Variants in ZNF71 observed in about 807,000 individuals in gnomAD.
ZNF71 encodes zinc finger protein 71.
ZNF71 carries 3 observed loss-of-function variants against 6.7 expected under a neutral mutation model. That is an observed-to-expected ratio of 0.45 (90% CI 0.20 to 1.16). ZNF71 has a LOEUF of 1.16. Among genes scored for constraint, ZNF71 ranks in the 50% most tolerant of loss-of-function variants. The pLI, the probability that ZNF71 is intolerant of heterozygous loss-of-function variation, is 0.25. For missense variants in ZNF71, 688 were observed against 728.6 expected (o/e 0.94, Z 0.64); for synonymous variants, 343 against 311.1 (o/e 1.10, Z -1.08).
chr19:56,621,864 A>G lies in ZNF71; in HGVS notation c.757A>G (p.Lys253Glu). Reference sequence around the variant, plus strand: ...GCCCTATGCCTGCGGGGACTGCGGCAAGGCCTTCAGCCAGCGCATGAACCT... The same window carrying G: ...GCCCTATGCCTGCGGGGACTGCGGCGAGGCCTTCAGCCAGCGCATGAACCT... ...EKPYACGDCG[K>E]AFSQRMNLTV... Residue 253 changes from lysine (K) to glutamate (E), a missense_variant, in exon 4 of 4, where the codon AAG becomes GAG. Transcript: ENST00000599599. The G allele has an allele frequency of 6.2e-7, 1 of 1,612,106 alleles. No homozygotes were observed. Among genetic ancestry groups the G allele is most frequent in the East Asian group, 2.2e-5 (1 of 44,882 alleles).
At chr19:56,608,848 A>G (rs2044729140) in intron 2 of ZNF71, among the ~76,000 whole-genome samples, 1 of 152,206 alleles carries the variant, frequency 6.6e-6, no homozygotes, top group Non-Finnish European at 1.5e-5. Context: ...TGTGGTTGAG[A>G]TAAAATGGTT....
rs776291114 is a variant in ZNF71 at position 56,622,454 on chromosome 19, G to A, written c.1347G>A (p.Lys449=). Residue 449 remains lysine (K), a synonymous_variant, in exon 4 of 4, where the codon AAG becomes AAA. Transcript: ENST00000599599. ...EKPYECYICK[K]HFTGRSSLIV... ...CCTACGAGTGCTACATCTGCAAGAA[G>A]CACTTCACGGGGCGCTCGTCCCTCA... 5.6e-6 allele frequency: 9 copies of A among 1,613,564 alleles called. No homozygotes were observed. In the Admixed American group the frequency reaches 1.3e-4, roughly 24 times the overall value.
At chr19:56,605,598 A>G (rs988778627) in intron 2 of ZNF71, among the ~76,000 whole-genome samples, 2 of 152,222 alleles carry the variant, frequency 1.3e-5, no homozygotes, top group Non-Finnish European at 2.9e-5. Flanking sequence ...ACTGGATCAG[A>G]AATTTAATCT....
At position 56,600,524 on chromosome 19, in the gene ZNF71, C is replaced by T. The variant is rs1285649478; in HGVS notation, c.-52-983C>T. 2.0e-5 allele frequency among the ~76,000 whole-genome samples: 3 copies of T among 151,562 alleles called. 1 individual carries two copies. Among genetic ancestry groups the T allele is most frequent in the Non-Finnish European group, 4.4e-5 (3 of 67,934 alleles). On this transcript the variant is annotated intron_variant, in intron 1 of 3. Transcript: ENST00000599599. ...CTGTATTTTTTTAATACCAATTAGC[C>T]ATCCCCACATTCCCCCCACCCTTCC...
In ZNF71 at chr19:56,598,660, C is replaced by G. The variant is rs1399062228; in HGVS notation, c.-52-2847C>G. 6.6e-6 allele frequency among the ~76,000 whole-genome samples: 1 copy of G among 152,144 alleles called. No homozygotes were observed. Among genetic ancestry groups the G allele is most frequent in the Non-Finnish European group, 1.5e-5 (1 of 68,008 alleles). On this transcript the variant is annotated intron_variant, in intron 1 of 3. Transcript: ENST00000599599. This position sits in a 1 kb window ranked among gnomAD's most constrained non-coding sequence, Gnocchi z 4.2. Reference sequence around the variant, plus strand: ...CATCGTACAGTGTGTAGCAGCATCCCCAGTCTCTACCAACTAAACGCCCAT... The same window carrying G: ...CATCGTACAGTGTGTAGCAGCATCCGCAGTCTCTACCAACTAAACGCCCAT...
chr19:56,600,787 T>C (rs10424866), intron 1 of ZNF71, among the ~76,000 whole-genome samples: 154 of 152,300 alleles, frequency 1.0e-3, no homozygotes, highest in African/African-American at 3.6e-3. Context: ...TGTTAAGATA[T>C]CTCTCCACTT....
At chr19:56,607,033 A>T (rs2044715292) in intron 2 of ZNF71, among the ~76,000 whole-genome samples, 1 of 152,178 alleles carries the variant, frequency 6.6e-6, no homozygotes, top group Non-Finnish European at 1.5e-5. Context: ...GGGTAATTTG[A>T]TCCAGCAAAA....
Position 56,622,916 on chromosome 19 carries a change from A to C in ZNF71, c.*159A>C. On this transcript the variant is annotated 3_prime_UTR_variant, in exon 4 of 4. Coordinates refer to ENST00000599599, the MANE Select transcript of ZNF71 (RefSeq NM_001370215.1). Reference sequence around the variant, plus strand: ...TTGTGGAGGGGCTGGCTGATCACACATGCCCCCTCCTTACTGAGCCTCAGA... The same window carrying C: ...TTGTGGAGGGGCTGGCTGATCACACCTGCCCCCTCCTTACTGAGCCTCAGA... 4.3e-6 allele frequency: 4 copies of C among 926,222 alleles called. No homozygotes were observed. The highest frequency in any genetic ancestry group is 6.4e-6 in the Non-Finnish European group (4 of 622,644). 57.4% of individuals were successfully genotyped at this position (926,222 alleles called of 1,614,324 possible).
intron 2 of ZNF71, chr19:56,610,679 T>C (rs1256575559): frequency 6.6e-6 from 1 of 152,270 alleles, no homozygotes; most frequent in East Asian, 1.9e-4. Flanking sequence ...TAGATTTTGC[T>C]AAATGCCACT....
In ZNF71 at chr19:56,603,603, A is replaced by T. The variant is rs2044686973; in HGVS notation, c.33+2012A>T. Among the ~76,000 whole-genome samples, 1 of 152,170 alleles carries T rather than the reference A, an allele frequency of 6.6e-6. No individual in the cohort carries two copies. Among genetic ancestry groups the T allele is most frequent in the East Asian group, 1.9e-4 (1 of 5,200 alleles). ...ACCTGGAAGTGGAATGTTGGGTCAT[A>T]TGGTTAACTCTGTTGAACCAGTAAA... On this transcript the variant is annotated intron_variant, in intron 2 of 3. Coordinates refer to ENST00000599599, the MANE Select transcript of ZNF71 (RefSeq NM_001370215.1). This position sits in a 1 kb window ranked among gnomAD's most constrained non-coding sequence, Gnocchi z 4.6.
rs371046743 is a variant in ZNF71 at position 56,621,714 on chromosome 19, T to G, written c.607T>G (p.Ser203Ala). ...SECGKAFSRS[S>A]SLIKHQRIHT... ...GTGTGGCAAGGCCTTTAGCCGAAGCTCGTCCCTGATAAAGCACCAAAGGAT... is the reference window on the plus strand; with the variant it reads ...GTGTGGCAAGGCCTTTAGCCGAAGCGCGTCCCTGATAAAGCACCAAAGGAT... The change falls in exon 4 of 4, where the codon TCG becomes GCG. Residue 203 changes from serine (S) to alanine (A), a missense_variant. Physicochemically the swap from Ser to Ala is moderately conservative, Grantham distance 99. Coordinates refer to ENST00000599599, the MANE Select transcript of ZNF71 (RefSeq NM_001370215.1). 10 of 1,613,858 alleles carry G rather than the reference T, an allele frequency of 6.2e-6. No individual in the cohort carries two copies. The highest frequency in any genetic ancestry group is 1.3e-5 in the African/African-American group (1 of 74,912).
intron 3 of ZNF71, 106 bp from the exon 4 acceptor site, chr19:56,621,162 G>A: frequency 8.7e-7 from 1 of 1,148,254 alleles, no homozygotes; most frequent in South Asian, 1.7e-5. Flanking sequence ...CTGTGCCTTG[G>A]GCCTCATTGG....
intron 3 of ZNF71, among the ~76,000 whole-genome samples, chr19:56,614,619 G>C (rs1022250820): frequency 2.0e-5 from 3 of 152,226 alleles, no homozygotes; most frequent in South Asian, 4.1e-4. Context: ...GCTGAGGACT[G>C]TTTGTAGGCA....
intron 2 of ZNF71, among the ~76,000 whole-genome samples, chr19:56,602,962 A>T (rs1320000053): frequency 6.6e-6 from 1 of 152,324 alleles, no homozygotes; most frequent in East Asian, 1.9e-4. Context: ...TGTCATTTGA[A>T]TGTTAACAAT....
rs1169322389 is a variant in ZNF71 at position 56,600,185 on chromosome 19, ATTTTT to A, written c.-52-1303_-52-1299del. On this transcript the variant is annotated intron_variant, in intron 1 of 3. Coordinates refer to ENST00000599599, the MANE Select transcript of ZNF71 (RefSeq NM_001370215.1). ...ATCTTGGCTCACTGCAACCCTCTGT[ATTTTT>A]TTTTTTTTTTTTTTTTTTGAGACGG... Among the ~76,000 whole-genome samples the A allele has an allele frequency of 2.0e-4, 5 of 24,914 alleles. 1 individual carries two copies. Among genetic ancestry groups the A allele is most frequent in the African/African-American group, 2.0e-3 (4 of 1,998 alleles). 16.3% of individuals were successfully genotyped at this position (24,914 alleles called of 152,430 possible). A position where few individuals can be genotyped will look rare whatever the true frequency, so the allele number is the denominator to read the frequency against.
Position 56,601,461 on chromosome 19 carries a change from C to T in ZNF71, c.-52-46C>T, listed in dbSNP as rs1456991750. The stretch of plus-strand genomic sequence containing the variant: ...TCCTGTCTACATTTGTGAGGCCAGC[C>T]TAGGCCTGGTCTCTCAGCATGCCTC... On this transcript the variant is annotated intron_variant, in intron 1 of 3. Transcript: ENST00000599599. 5 of 875,814 alleles carry T rather than the reference C, an allele frequency of 5.7e-6. No homozygotes were observed. The East Asian group carries it at 3.6e-4, about 63-fold the overall frequency. The allele number at this position is 875,814 out of a possible 1,614,324, so 54.3% of individuals were successfully genotyped here.
chr19:56,611,414 T>C (rs1447245407), intron 2 of ZNF71, among the ~76,000 whole-genome samples: 4 of 152,148 alleles, frequency 2.6e-5, no homozygotes, highest in Non-Finnish European at 5.9e-5. Context: ...TGTGCTTTGG[T>C]CCAGGAACCT....
intron 1 of ZNF71, among the ~76,000 whole-genome samples, chr19:56,600,636 A>G (rs143452791): frequency 3.9e-5 from 6 of 152,176 alleles, no homozygotes; most frequent in Non-Finnish European, 8.8e-5. Context: ...ACAAGTGAGA[A>G]CTTGCAAAGT....
At chr19:56,619,205 G>A (rs1456858917) in intron 3 of ZNF71, among the ~76,000 whole-genome samples, 1 of 152,138 alleles carries the variant, frequency 6.6e-6, no homozygotes, top group Non-Finnish European at 1.5e-5. Context: ...TAGGAGTACA[G>A]TTCAGTGGCC....
Sources: allele counts gnomAD v4.1 joint callset (sites outside exome capture counted in the v4.1 genomes callset), GRCh38; gene constraint gnomAD v4.1.1; non-coding constraint Gnocchi (gnomAD v3.1); transcripts MANE v1.5; gene names NCBI Gene and HGNC (gene_info 2026-07-23, HGNC 2026-07-21).